The following CFAP61 variants were observed in gnomAD, a reference collection of about 807,000 sequenced individuals.
CFAP61 encodes the protein cilia- and flagella-associated protein 61.
CFAP61 carries 107 observed loss-of-function variants against 135.6 expected under a neutral mutation model. The observed-to-expected ratio is 0.79, with a 90% CI of 0.67 to 0.93. The LOEUF (loss-of-function observed/expected upper bound fraction) is 0.93. Ranked by LOEUF, CFAP61 falls within the 40% of genes least tolerant of loss-of-function variation. The pLI is 0.00. For missense variants in CFAP61, 1,507 were observed against 1,556.2 expected (o/e 0.97, Z 0.53); for synonymous variants, 575 against 578.5 (o/e 0.99, Z 0.09).
intron 22 of CFAP61, among the ~76,000 whole-genome samples, chr20:20,286,506 C>T (rs2054600941): frequency 6.6e-6 from 1 of 152,258 alleles, no homozygotes; most frequent in Non-Finnish European, 1.5e-5. Context: ...TCCCACCCTT[C>T]TCCCTAGCTA....
At chr20:20,151,829 CAAAAAA>C (rs386393498) in intron 9 of CFAP61, among the ~76,000 whole-genome samples, 2 of 53,350 alleles carry the variant, frequency 3.7e-5, no homozygotes, top group Non-Finnish European at 6.5e-5. Flanking sequence ...GACTCCGTCT[CAAAAAA>C]AAAAAAAAAA....
intron 18 of CFAP61, among the ~76,000 whole-genome samples, chr20:20,245,185 T>C (rs569539695): frequency 6.6e-6 from 1 of 152,384 alleles, no homozygotes; most frequent in Admixed American, 6.5e-5. Context: ...CCAAAGTCGC[T>C]TCTGCATTTT....
intron 11 of CFAP61, among the ~76,000 whole-genome samples, chr20:20,165,295 T>A (rs1355706632): frequency 6.6e-6 from 1 of 152,304 alleles, no homozygotes; most frequent in Admixed American, 6.5e-5. Context: ...CCAACGGCTG[T>A]GACAAGCCCA....
intron 1 of CFAP61, among the ~76,000 whole-genome samples, chr20:20,053,187 T>G (rs1319119651): frequency 6.6e-6 from 1 of 152,222 alleles, no homozygotes; most frequent in Non-Finnish European, 1.5e-5. Flanking sequence ...TTAGCTGTTA[T>G]AATACTTAAC....
intron 9 of CFAP61, among the ~76,000 whole-genome samples, chr20:20,154,161 G>A (rs2052684510): frequency 6.6e-6 from 1 of 151,896 alleles, no homozygotes; most frequent in African/African-American, 2.4e-5. Context: ...CAGCATTCCT[G>A]TAGGATTAAA....
chr20:20,332,469 T>C (rs1354452110), intron 25 of CFAP61, among the ~76,000 whole-genome samples: 1 of 152,174 alleles, frequency 6.6e-6, no homozygotes, highest in Non-Finnish European at 1.5e-5. Context: ...ACTATTTTGA[T>C]TTACTTGGCT....
chr20:20,322,301 C>T (rs1427120311), intron 25 of CFAP61, among the ~76,000 whole-genome samples: 1 of 152,192 alleles, frequency 6.6e-6, no homozygotes, highest in African/African-American at 2.4e-5. Context: ...CACATTAATA[C>T]ATAACTGAAA....
intron 15 of CFAP61, among the ~76,000 whole-genome samples, chr20:20,193,618 T>C (rs2056079091): frequency 6.6e-6 from 1 of 151,924 alleles, no homozygotes; most frequent in Non-Finnish European, 1.5e-5. Context: ...ATAATAATTA[T>C]TATTATTATT....
chr20:20,141,933 G>A (rs183658476), intron 8 of CFAP61, among the ~76,000 whole-genome samples: 1 of 152,278 alleles, frequency 6.6e-6, no homozygotes, highest in Admixed American at 6.5e-5. Context: ...GCGCTTCTGA[G>A]GAGGGGCAGC....
At chr20:20,323,782 C>A (rs1358599523) in intron 25 of CFAP61, among the ~76,000 whole-genome samples, 1 of 151,916 alleles carries the variant, frequency 6.6e-6, no homozygotes, top group African/African-American at 2.4e-5. Flanking sequence ...TGCAAAGAAA[C>A]CAATTGTTAA....
At chr20:20,238,739 G>C (rs1376219898) in intron 18 of CFAP61, among the ~76,000 whole-genome samples, 1 of 152,194 alleles carries the variant, frequency 6.6e-6, no homozygotes, top group African/African-American at 2.4e-5. Context: ...AGGATGTTTA[G>C]ACCTAATTTT....
At chr20:20,335,648 G>T (rs2058159778) in intron 25 of CFAP61, among the ~76,000 whole-genome samples, 1 of 152,192 alleles carries the variant, frequency 6.6e-6, no homozygotes, top group Non-Finnish European at 1.5e-5. Flanking sequence ...AATGTACTCT[G>T]CTCTGATGTC....
chr20:20,054,013 GTTTTTTTTT>G (rs1239349657), intron 1 of CFAP61, among the ~76,000 whole-genome samples: 1 of 59,108 alleles, frequency 1.7e-5, no homozygotes, highest in Non-Finnish European at 3.5e-5. Flanking sequence ...TTTTTTGTTT[GTTTTTTTTT>G]TTTTTTTTTT....
chr20:20,072,066 CCT>C lies in CFAP61; in HGVS notation c.294+1063_294+1064del, dbSNP rs1318233217. Among the ~76,000 whole-genome samples the C allele has an allele frequency of 2.3e-4, 31 of 134,042 alleles. No homozygotes were observed. The East Asian group carries it at 4.9e-3, about 21-fold the overall frequency. The allele number at this position is 134,042 out of a possible 152,430, so 87.9% of individuals were successfully genotyped here. A position where few individuals can be genotyped will look rare whatever the true frequency, so the allele number is the denominator to read the frequency against. On this transcript the variant is annotated intron_variant, in intron 3 of 26. Transcript: ENST00000245957. ...TGGTTTATTGTCTTACAGGATGTGA[CCT>C]ATTTGGTATCTAATCTAGCAATCTT...
At chr20:20,243,198 A>G (rs528360659) in intron 18 of CFAP61, among the ~76,000 whole-genome samples, 7 of 152,250 alleles carry the variant, frequency 4.6e-5, no homozygotes, top group African/African-American at 1.4e-4. Context: ...TTTTAAAACC[A>G]TCAGATCTCG....
chr20:20,283,919 C>T (rs529315512), intron 22 of CFAP61, among the ~76,000 whole-genome samples: 1 of 152,346 alleles, frequency 6.6e-6, no homozygotes, highest in African/African-American at 2.4e-5. Flanking sequence ...GTCAGACCCA[C>T]TGAGCATGAT....
At chr20:20,292,341 C>A (rs1288695118) in intron 24 of CFAP61, among the ~76,000 whole-genome samples, 2 of 152,182 alleles carry the variant, frequency 1.3e-5, no homozygotes, top group East Asian at 3.8e-4. Flanking sequence ...TTCCCTTAGC[C>A]CTTTCCCAGA....
intron 17 of CFAP61, 112 bp downstream of exon 17, chr20:20,200,014 C>T: frequency 7.9e-7 from 1 of 1,269,794 alleles, no homozygotes; most frequent in East Asian, 2.3e-5. Context: ...TTACAGGGAA[C>T]CTGGTGCTCA....
intron 6 of CFAP61, among the ~76,000 whole-genome samples, chr20:20,079,967 A>C (rs2046320271): frequency 6.6e-6 from 1 of 152,180 alleles, no homozygotes; most frequent in Non-Finnish European, 1.5e-5. Context: ...TTTTAAAGAA[A>C]TATTACCTTC....
Sources: allele counts gnomAD v4.1 joint callset (sites outside exome capture counted in the v4.1 genomes callset), GRCh38; gene constraint gnomAD v4.1.1; transcripts MANE v1.5; gene names NCBI Gene and HGNC (gene_info 2026-07-23, HGNC 2026-07-21).